The following CCDC146 variants were observed in gnomAD, a reference collection of about 807,000 sequenced individuals.
CCDC146 encodes the protein coiled-coil domain containing 146.
In CCDC146, 92 loss-of-function variants were observed where a neutral mutation model predicts 119.3. That is an observed-to-expected ratio of 0.77 (90% CI 0.65 to 0.92). The LOEUF (loss-of-function observed/expected upper bound fraction) is 0.92. Ranked by LOEUF, CCDC146 falls within the 40% of genes least tolerant of loss-of-function variation. The pLI is 0.00. For missense variants in CCDC146, 1,000 were observed against 1,103.0 expected (o/e 0.91, Z 1.32); for synonymous variants, 372 against 371.8 (o/e 1.00, Z -0.01).
chr7:77,136,762 T>A (rs565358801), intron 1 of CCDC146, among the ~76,000 whole-genome samples: 9 of 152,330 alleles, frequency 5.9e-5, no homozygotes, highest in Admixed American at 2.0e-4. Context: ...TGAATCACTC[T>A]GAGGCCAGCA....
At chr7:77,139,063 G>T (rs1192968662) in intron 1 of CCDC146, among the ~76,000 whole-genome samples, 1 of 152,190 alleles carries the variant, frequency 6.6e-6, no homozygotes, top group Admixed American at 6.5e-5. Flanking sequence ...GCACATAGAT[G>T]TTTAAGCAGT....
intron 4 of CCDC146, among the ~76,000 whole-genome samples, chr7:77,244,431 CTT>C (rs1792907252): frequency 2.0e-5 from 3 of 152,220 alleles, no homozygotes; most frequent in Admixed American, 2.0e-4. Context: ...CCCTGAGCAA[CTT>C]CCAGTCCTGC....
Position 77,189,881 on chromosome 7 carries a change from C to T in CCDC146, c.156+22057C>T, listed in dbSNP as rs561398353. 2.0e-5 allele frequency among the ~76,000 whole-genome samples: 3 copies of T among 152,316 alleles called. No homozygotes were observed. The South Asian group carries it at 6.2e-4, about 32-fold the overall frequency. The stretch of plus-strand genomic sequence containing the variant: ...ACCTCCACAGACAGGCCTCTTCTGA[C>T]TGCTCTATATGAAACAGCACCCCCT... On this transcript the variant is annotated intron_variant, in intron 2 of 18. Coordinates refer to ENST00000285871, the MANE Select transcript of CCDC146 (RefSeq NM_020879.3).
chr7:77,260,707 A>T (rs1562852037), intron 8 of CCDC146, among the ~76,000 whole-genome samples: 1 of 152,034 alleles, frequency 6.6e-6, no homozygotes, highest in Non-Finnish European at 1.5e-5. Context: ...GCTCACTGCA[A>T]CCTCTGCCTC....
intron 2 of CCDC146, among the ~76,000 whole-genome samples, chr7:77,187,020 C>T (rs1791678178): frequency 6.6e-6 from 1 of 152,076 alleles, no homozygotes; most frequent in South Asian, 2.1e-4. Context: ...GACTATTAAG[C>T]TAGGTTACTG....
chr7:77,198,062 C>T lies in CCDC146; in HGVS notation c.156+30238C>T, dbSNP rs1791909142. 1.1e-5 allele frequency: 10 copies of T among 886,868 alleles called. No homozygotes were observed. The South Asian group carries it at 4.1e-4, about 37-fold the overall frequency. 54.9% of individuals were successfully genotyped at this position (886,868 alleles called of 1,614,324 possible). Reference sequence around the variant, plus strand: ...GTTTAGGAGAAAAATAGACAATAGTCTTCATATCATGACAAGTTGCCATGC... The same window carrying T: ...GTTTAGGAGAAAAATAGACAATAGTTTTCATATCATGACAAGTTGCCATGC... On this transcript the variant is annotated intron_variant, in intron 2 of 18. Coordinates refer to ENST00000285871, the MANE Select transcript of CCDC146 (RefSeq NM_020879.3).
At chr7:77,262,505 A>G (rs1793319989) in intron 9 of CCDC146, among the ~76,000 whole-genome samples, 198 bp downstream of exon 9, 1 of 152,216 alleles carries the variant, frequency 6.6e-6, no homozygotes, top group South Asian at 2.1e-4. Context: ...TTCTAACCCA[A>G]GATTAGAGAA....
Position 77,273,695 on chromosome 7 carries a change from T to C in CCDC146, c.1175T>C (p.Met392Thr), listed in dbSNP as rs765754601. Residue 392 changes from methionine (M) to threonine (T), a missense_variant and splice_region_variant, in exon 10 of 19, where the codon ATG becomes ACG. Around this residue, in one of 2 missense-constraint regions of CCDC146, gnomAD observed 985 missense variants for 1,045.3 expected, o/e 0.94. Coordinates refer to ENST00000285871, the MANE Select transcript of CCDC146 (RefSeq NM_020879.3). Reference sequence around the variant, plus strand: ...ATGTTTTTAAATTTTGATTTCCAGATGGAAGCTATCCCCAAAGATGATTCT... The same window carrying C: ...ATGTTTTTAAATTTTGATTTCCAGACGGAAGCTATCCCCAAAGATGATTCT... The part of the protein sequence containing the change: ...QALHQRLLLE[M>T]EAIPKDDSTL... The C allele has an allele frequency of 7.2e-5, 115 of 1,604,244 alleles. No individual in the cohort carries two copies. The highest frequency in any genetic ancestry group is 9.6e-5 in the Non-Finnish European group (113 of 1,173,636).
rs528703102 is a variant in CCDC146, at chr7:77,278,275, T to C, written c.1441-477T>C. On this transcript the variant is annotated intron_variant, in intron 11 of 18. Coordinates refer to ENST00000285871, the MANE Select transcript of CCDC146 (RefSeq NM_020879.3). Reference sequence around the variant, plus strand: ...CAAACTTTTCCTCAAACCCAAGCCATGCAGGCTCTTTGCGTTTTCTCTTCT... The same window carrying C: ...CAAACTTTTCCTCAAACCCAAGCCACGCAGGCTCTTTGCGTTTTCTCTTCT... Among the ~76,000 whole-genome samples the C allele has an allele frequency of 1.2e-4, 19 of 152,126 alleles. 1 individual carries two copies. The highest frequency in any genetic ancestry group is 4.3e-4 in the African/African-American group (18 of 41,418).
At chr7:77,220,348 G>A (rs1282778268) in intron 2 of CCDC146, among the ~76,000 whole-genome samples, 1 of 152,160 alleles carries the variant, frequency 6.6e-6, no homozygotes, top group Non-Finnish European at 1.5e-5. Flanking sequence ...GAAAATCACT[G>A]TTATCCTATT....
intron 2 of CCDC146, among the ~76,000 whole-genome samples, chr7:77,206,541 GA>G (rs1262763822): frequency 6.6e-6 from 1 of 151,802 alleles, no homozygotes; most frequent in Non-Finnish European, 1.5e-5. Context: ...GCTGAGGCAG[GA>G]AAATCGCTTG....
intron 2 of CCDC146, among the ~76,000 whole-genome samples, chr7:77,213,884 G>C (rs1792250284): frequency 6.6e-6 from 1 of 152,110 alleles, no homozygotes. Context: ...TGGACACTTA[G>C]GTTGATTCCA....
At chr7:77,226,972 T>G (rs1377963389) in intron 2 of CCDC146, among the ~76,000 whole-genome samples, 1 of 152,268 alleles carries the variant, frequency 6.6e-6, no homozygotes. Context: ...TGATTTTTTA[T>G]GTTTAAGGCA....
intron 4 of CCDC146, among the ~76,000 whole-genome samples, chr7:77,249,776 G>A (rs1437441706): frequency 1.3e-5 from 2 of 152,092 alleles, no homozygotes; most frequent in Non-Finnish European, 2.9e-5. Context: ...TGGATCCATT[G>A]TGACAATCTT....
At chr7:77,178,644 T>C (rs992550923) in intron 2 of CCDC146, among the ~76,000 whole-genome samples, 1 of 152,232 alleles carries the variant, frequency 6.6e-6, no homozygotes, top group Admixed American at 6.5e-5. Context: ...TTATTTTTCA[T>C]TGATTGTTTA....
At chr7:77,169,112 G>T (rs1791380369) in intron 2 of CCDC146, among the ~76,000 whole-genome samples, 1 of 151,948 alleles carries the variant, frequency 6.6e-6, no homozygotes, top group Admixed American at 6.6e-5. Flanking sequence ...GATTTCTTTA[G>T]TTTTCATGAT....
chr7:77,134,484 T>C (rs1181372285), intron 1 of CCDC146, among the ~76,000 whole-genome samples: 1 of 152,106 alleles, frequency 6.6e-6, no homozygotes, highest in African/African-American at 2.4e-5. Context: ...GTTGTTTTGT[T>C]CAACATTGTT....
intron 2 of CCDC146, among the ~76,000 whole-genome samples, chr7:77,218,615 C>CTTTT (rs569678543): frequency 1.4e-5 from 2 of 142,536 alleles, no homozygotes; most frequent in African/African-American, 2.6e-5. Flanking sequence ...TACCAATTCT[C>CTTTT]TTTTTTTTTT....
At chr7:77,156,086 G>A (rs1464329443) in intron 1 of CCDC146, among the ~76,000 whole-genome samples, 1 of 152,170 alleles carries the variant, frequency 6.6e-6, no homozygotes, top group Non-Finnish European at 1.5e-5. Flanking sequence ...ATCCTCGGGA[G>A]GGGTGCTGAT....
Sources: allele counts gnomAD v4.1 joint callset (sites outside exome capture counted in the v4.1 genomes callset), GRCh38; gene constraint gnomAD v4.1.1; regional missense constraint gnomAD v4.1.1; transcripts MANE v1.5; gene names NCBI Gene and HGNC (gene_info 2026-07-23, HGNC 2026-07-21).